MIPOL1: variants seen among roughly 807,000 people sequenced by gnomAD.
The protein encoded by MIPOL1 is mirror-image polydactyly gene 1 protein.
A neutral mutation model predicts 60.9 loss-of-function variants in MIPOL1; 57 were observed. The ratio of observed to expected loss-of-function variants is 0.94; its 90% CI spans 0.76 to 1.17. MIPOL1 has a LOEUF of 1.17. Ranked by LOEUF, MIPOL1 falls within the 50% of genes most tolerant of loss-of-function variation. The pLI, the probability that MIPOL1 is intolerant of heterozygous loss-of-function variation, is 0.00. For missense variants in MIPOL1, 551 were observed against 511.6 expected, an observed-to-expected ratio of 1.08 and a Z score of -0.74; for synonymous variants, 179 against 168.8, an observed-to-expected ratio of 1.06 and a Z score of -0.47.
chr14:37,281,015 G>A (rs2084062391), intron 6 of MIPOL1, among the ~76,000 whole-genome samples: 1 of 152,114 alleles, frequency 6.6e-6, no homozygotes, highest in Non-Finnish European at 1.5e-5. Context: ...TTAATTTGAT[G>A]CAATCCTATT....
At chr14:37,403,699 A>G (rs1281062882) in intron 10 of MIPOL1, among the ~76,000 whole-genome samples, 2 of 152,052 alleles carry the variant, frequency 1.3e-5, no homozygotes, top group Non-Finnish European at 2.9e-5. Flanking sequence ...GAAATGATTT[A>G]TTTACATGTT....
At chr14:37,293,401 T>C (rs910437486) in intron 7 of MIPOL1, among the ~76,000 whole-genome samples, 1 of 152,022 alleles carries the variant, frequency 6.6e-6, no homozygotes, top group African/African-American at 2.4e-5. Context: ...AGACGGGTGA[T>C]TTCTGCATTT....
chr14:37,200,846 ATCTATGTGTGTG>A lies in MIPOL1; in HGVS notation c.-199+2744_-199+2755del, dbSNP rs1384060056. Among the ~76,000 whole-genome samples the A allele has an allele frequency of 1.1e-3, 133 of 121,078 alleles. 3 individuals carry two copies. Among genetic ancestry groups the A allele is most frequent in the African/African-American group, 4.3e-3 (128 of 30,056 alleles). 79.4% of individuals were successfully genotyped at this position (121,078 alleles called of 152,430 possible). A position where few individuals can be genotyped will look rare whatever the true frequency, so the allele number is the denominator to read the frequency against. ...AATATAGATCCATAATACTATATCT[ATCTATGTGTGTG>A]TGTGTGTGTGTGTGTGTGTGTGTGT... On this transcript the variant is annotated intron_variant, in intron 1 of 12. Coordinates refer to ENST00000684589, the MANE Select transcript of MIPOL1 (RefSeq NM_001388067.1).
At chr14:37,504,537 A>G (rs1166699628) in intron 12 of MIPOL1, 1 of 152,230 alleles carries the variant, frequency 6.6e-6, no homozygotes, top group Non-Finnish European at 1.5e-5. Context: ...AGGCAGAAAT[A>G]AAGATGTTCT....
intron 9 of MIPOL1, among the ~76,000 whole-genome samples, chr14:37,340,659 A>G (rs946769055): frequency 6.6e-6 from 1 of 151,566 alleles, no homozygotes; most frequent in Non-Finnish European, 1.5e-5. Flanking sequence ...TGATCATGCC[A>G]CCACACTCAG....
At chr14:37,212,561 C>G (rs1257286740) in intron 1 of MIPOL1, among the ~76,000 whole-genome samples, 1 of 152,122 alleles carries the variant, frequency 6.6e-6, no homozygotes, top group African/African-American at 2.4e-5. Context: ...CAATAGAACA[C>G]CTGGTAGACT....
intron 9 of MIPOL1, among the ~76,000 whole-genome samples, chr14:37,355,062 G>A (rs955688676): frequency 1.4e-5 from 2 of 147,668 alleles, no homozygotes; most frequent in Non-Finnish European, 3.0e-5. Flanking sequence ...TCCTTTCCAT[G>A]TTTAGCACTT....
Position 37,499,932 on chromosome 14 carries a change from A to G in MIPOL1, c.1056A>G (p.Glu352=). The G allele has an allele frequency of 6.3e-7, 1 of 1,588,000 alleles. No individual in the cohort carries two copies. The highest frequency in any genetic ancestry group is 8.6e-7 in the Non-Finnish European group (1 of 1,165,444). The change falls in exon 12 of 13, where the codon GAA becomes GAG. Residue 352 remains glutamate (E), a synonymous_variant. Transcript: ENST00000684589. ...GTTTACACAAATCTTTATCTCAAGA[A>G]GAAAATCTGAAGGATCAGTTTAACT... The part of the protein sequence containing the change: ...YYSLHKSLSQ[E]ENLKDQFNYT...
intron 11 of MIPOL1, among the ~76,000 whole-genome samples, chr14:37,482,508 G>T (rs1038624554): frequency 6.6e-6 from 1 of 152,092 alleles, no homozygotes; most frequent in Non-Finnish European, 1.5e-5. Context: ...GGGGCCTCAG[G>T]AAATTTGCAA....
rs1351526803 is a variant in MIPOL1 at position 37,473,929 on chromosome 14, C to T, written c.1032-25979C>T. Among the ~76,000 whole-genome samples the T allele has an allele frequency of 2.0e-5, 3 of 152,114 alleles. No individual in the cohort carries two copies. The East Asian group carries it at 5.8e-4, about 29-fold the overall frequency. ...GCATGCCCATACTTTTTATTTGTCT[C>T]CCTTCCTCTGAATCCCTAGCAACTA... On this transcript the variant is annotated intron_variant, in intron 11 of 12. Transcript: ENST00000684589.
chr14:37,492,625 GT>G (rs1456828983), intron 11 of MIPOL1, among the ~76,000 whole-genome samples: 2 of 152,044 alleles, frequency 1.3e-5, no homozygotes, highest in African/African-American at 2.4e-5. Context: ...TTTTCTCATA[GT>G]TTTCGAGTTG....
At chr14:37,298,641 C>A (rs1201799662) in intron 7 of MIPOL1, among the ~76,000 whole-genome samples, 1 of 152,104 alleles carries the variant, frequency 6.6e-6, no homozygotes, top group Non-Finnish European at 1.5e-5. Flanking sequence ...GGCGAAGGAT[C>A]CGAACAGACA....
At chr14:37,348,377 A>G (rs965982198) in intron 9 of MIPOL1, among the ~76,000 whole-genome samples, 1 of 152,192 alleles carries the variant, frequency 6.6e-6, no homozygotes, top group Non-Finnish European at 1.5e-5. Context: ...CCCAGAGAAT[A>G]AAATGATGTG....
chr14:37,275,634 A>G (rs752373179), intron 6 of MIPOL1, among the ~76,000 whole-genome samples: 7 of 151,090 alleles, frequency 4.6e-5, no homozygotes, highest in Non-Finnish European at 1.0e-4. Context: ...ATTAAATTCT[A>G]TTCTATTGCT....
intron 10 of MIPOL1, among the ~76,000 whole-genome samples, chr14:37,379,489 C>A (rs1566480390): frequency 6.6e-6 from 1 of 152,118 alleles, no homozygotes; most frequent in East Asian, 1.9e-4. Flanking sequence ...TATAAAACTT[C>A]TGTGTTTTAA....
At chr14:37,340,196 G>A (rs1055626444) in intron 9 of MIPOL1, among the ~76,000 whole-genome samples, 8 of 151,842 alleles carry the variant, frequency 5.3e-5, no homozygotes, top group African/African-American at 1.7e-4. Context: ...TTGCTGCTGT[G>A]ATGTAGTTGG....
chr14:37,384,965 A>G (rs912049751), intron 10 of MIPOL1, among the ~76,000 whole-genome samples: 6 of 151,888 alleles, frequency 4.0e-5, no homozygotes, highest in Non-Finnish European at 5.9e-5. Context: ...AATGATTTCT[A>G]CTCCTACTTA....
intron 9 of MIPOL1, among the ~76,000 whole-genome samples, chr14:37,331,041 T>A (rs971492475): frequency 6.6e-6 from 1 of 152,116 alleles, no homozygotes; most frequent in African/African-American, 2.4e-5. Flanking sequence ...GTTCCATTGG[T>A]CTATGTGTTT....
intron 10 of MIPOL1, among the ~76,000 whole-genome samples, chr14:37,410,871 G>T (rs573106282): frequency 8.8e-4 from 134 of 152,054 alleles, no homozygotes; most frequent in African/African-American, 3.0e-3. Context: ...GATAATAAAT[G>T]AATCAATTCA....
Sources: gnomAD v4.1 joint callset for allele counts (sites outside exome capture counted in the v4.1 genomes callset) on GRCh38, gnomAD v4.1.1 for gene constraint, MANE v1.5 for transcripts, NCBI Gene and HGNC (gene_info 2026-07-23, HGNC 2026-07-21) for gene names.